RAPH1: variants seen among roughly 807,000 people sequenced by gnomAD.
RAPH1 encodes ras-associated and pleckstrin homology domains-containing protein 1.
Under a neutral mutation model 88.1 loss-of-function variants are expected in RAPH1, and 18 were observed. That is an observed-to-expected ratio of 0.20 (90% CI 0.14 to 0.30). The LOEUF is 0.30. RAPH1 is among the 10% of genes least tolerant of loss of function. The probability of loss-of-function intolerance (pLI) is 1.00; values close to 1 mark genes in which losing one functional copy is unlikely to be tolerated. For synonymous variants in RAPH1, 587 were observed against 559.0 expected (o/e 1.05, Z -0.71); for missense variants, 1,448 against 1,543.2 (o/e 0.94, Z 1.03).
intron 1 of RAPH1, among the ~76,000 whole-genome samples, chr2:203,518,109 G>T (rs1335153910): frequency 6.6e-6 from 1 of 152,012 alleles, no homozygotes; most frequent in Non-Finnish European, 1.5e-5. Flanking sequence ...CAATAAAATT[G>T]ATAAGCTTCT....
intron 4 of RAPH1, among the ~76,000 whole-genome samples, chr2:203,472,062 A>G (rs1450009792): frequency 1.3e-5 from 2 of 152,058 alleles, no homozygotes; most frequent in East Asian, 3.8e-4. Flanking sequence ...GAGGGAGGGA[A>G]TTGGGAAAAA....
At position 203,438,414 on chromosome 2, in the gene RAPH1, G is replaced by T; in HGVS notation, c.*1023C>A. On this transcript the variant is annotated 3_prime_UTR_variant, in exon 14 of 14. Coordinates refer to ENST00000319170, the MANE Select transcript of RAPH1 (RefSeq NM_213589.3). ...AATGCACCATATTGGGGCACAGGAT[G>T]TGTATATTTCATATACCAATTGTCT... 5.9e-6 allele frequency: 2 copies of T among 340,902 alleles called. No individual in the cohort carries two copies. Among genetic ancestry groups the T allele is most frequent in the Non-Finnish European group, 1.2e-5 (2 of 172,922 alleles). 21.1% of individuals were successfully genotyped at this position (340,902 alleles called of 1,614,324 possible).
chr2:203,446,840 C>T (rs1422444998), intron 12 of RAPH1: 1 of 151,242 alleles, frequency 6.6e-6, no homozygotes, highest in African/African-American at 2.4e-5. Context: ...AACTTTTGGG[C>T]TCAAGCAATC....
At chr2:203,498,978 T>A (rs1688627922) in intron 1 of RAPH1, among the ~76,000 whole-genome samples, 1 of 152,178 alleles carries the variant, frequency 6.6e-6, no homozygotes, top group Non-Finnish European at 1.5e-5. Flanking sequence ...CTGTACAGGT[T>A]GTAGCCTAGG....
chr2:203,465,606 G>A (rs1343088790), intron 4 of RAPH1, among the ~76,000 whole-genome samples: 1 of 152,178 alleles, frequency 6.6e-6, no homozygotes, highest in Admixed American at 6.5e-5. Flanking sequence ...GTACAACACC[G>A]GCAAGGCATG....
chr2:203,469,083 TTGG>T (rs1384079189), intron 4 of RAPH1, among the ~76,000 whole-genome samples: 2 of 152,196 alleles, frequency 1.3e-5, no homozygotes, highest in Admixed American at 6.5e-5. Flanking sequence ...TTGTAAGATG[TTGG>T]TGATCTTCTA....
chr2:203,526,218 CG>C (rs1201153474), intron 1 of RAPH1, among the ~76,000 whole-genome samples: 1 of 151,818 alleles, frequency 6.6e-6, no homozygotes, highest in Non-Finnish European at 1.5e-5. Context: ...AATTTGCTAA[CG>C]TTTTTTAAAA....
intron 4 of RAPH1, among the ~76,000 whole-genome samples, chr2:203,482,790 G>A (rs545377070): frequency 4.6e-5 from 7 of 151,570 alleles, no homozygotes; most frequent in South Asian, 2.1e-4. Flanking sequence ...GTGACAGAAC[G>A]AGAATCTGTC....
chr2:203,450,744 TC>T (rs929223930), intron 10 of RAPH1, among the ~76,000 whole-genome samples: 3 of 152,246 alleles, frequency 2.0e-5, no homozygotes, highest in African/African-American at 7.2e-5. Context: ...AGGGCAAGGT[TC>T]AGAGATCTCA....
intron 1 of RAPH1, among the ~76,000 whole-genome samples, chr2:203,504,189 C>T (rs1448998489): frequency 1.3e-5 from 2 of 152,228 alleles, no homozygotes; most frequent in Non-Finnish European, 2.9e-5. Flanking sequence ...GTGGGGGCCC[C>T]AACCCCACAT....
chr2:203,450,980 C>G (rs2098514390), intron 10 of RAPH1, among the ~76,000 whole-genome samples: 1 of 151,896 alleles, frequency 6.6e-6, no homozygotes, highest in African/African-American at 2.4e-5. Flanking sequence ...ATCTCTCTAA[C>G]CTGGGAATAC....
Position 203,507,305 on chromosome 2 carries a change from C to A in RAPH1, c.1-11952G>T, listed in dbSNP as rs1450810371. Among the ~76,000 whole-genome samples the A allele has an allele frequency of 3.3e-5, 5 of 152,096 alleles. No homozygotes were observed. The South Asian group carries it at 1.0e-3, about 32-fold the overall frequency. On this transcript the variant is annotated intron_variant, in intron 1 of 13. Transcript: ENST00000319170. The stretch of plus-strand genomic sequence containing the variant: ...AGATGAAATGACAAAAAAAAATCAC[C>A]ATTTTGCAACCACTGTTATAATTAT...
At chr2:203,465,595 T>G (rs1213226489) in intron 4 of RAPH1, among the ~76,000 whole-genome samples, 2 of 152,164 alleles carry the variant, frequency 1.3e-5, no homozygotes, top group African/African-American at 4.8e-5. Flanking sequence ...ATGCATAGAA[T>G]GTACAACACC....
chr2:203,439,556 C>T lies in RAPH1; in HGVS notation c.3634G>A (p.Asp1212Asn), dbSNP rs767112700. Residue 1212 changes from aspartate to asparagine, a missense_variant, in exon 14 of 14, where the codon GAT becomes AAT. Around this residue, in one of 2 missense-constraint regions of RAPH1, gnomAD observed 935 missense variants for 890.1 expected, o/e 1.05. Transcript: ENST00000319170. ...CCTCCGTAACCAGCCTTCTGTTGAT[C>T]AGACAGCAGTTCAGGGGGTGGTGGA... ...LPPPPPELLS[D>N]QQKAGYGGSH... is the part of the protein sequence containing the mutation. 16 of 1,614,034 alleles carry T rather than the reference C, an allele frequency of 9.9e-6. No individual in the cohort carries two copies. In the African/African-American group the frequency reaches 1.7e-4, roughly 18 times the overall value.
rs1458229971 is a variant in RAPH1 at position 203,448,303 on chromosome 2, TATAAAC to T, written c.1513-230_1513-225del. Among the ~76,000 whole-genome samples the T allele has an allele frequency of 5.3e-5, 8 of 152,228 alleles. No homozygotes were observed. Among genetic ancestry groups the T allele is most frequent in the Admixed American group, 5.2e-4 (8 of 15,284 alleles). On this transcript the variant is annotated intron_variant, in intron 11 of 13. Coordinates refer to ENST00000319170, the MANE Select transcript of RAPH1 (RefSeq NM_213589.3). The surrounding 1 kb of genome is among the most constrained non-coding windows in gnomAD (Gnocchi z 4.1). ...GAAGTCAACACTTGATTCTGTTTGT[TATAAAC>T]ATTAATGTTTTTTCACCCCAAATTC... is the stretch of plus-strand genomic sequence containing the variant.
intron 1 of RAPH1, among the ~76,000 whole-genome samples, chr2:203,512,621 CTTT>C (rs1201403582): frequency 4.0e-5 from 5 of 125,872 alleles, no homozygotes; most frequent in Non-Finnish European, 3.3e-5. Context: ...CATCCCTTAC[CTTT>C]TTTTTTTTTT....
chr2:203,452,283 C>G (rs1310641388), intron 10 of RAPH1, among the ~76,000 whole-genome samples: 2 of 152,178 alleles, frequency 1.3e-5, no homozygotes, highest in East Asian at 3.8e-4. Context: ...TGAAAAACAG[C>G]AGGTACAGAA....
intron 4 of RAPH1, among the ~76,000 whole-genome samples, chr2:203,477,486 G>C (rs911044997): frequency 5.9e-5 from 9 of 151,964 alleles, no homozygotes; most frequent in African/African-American, 2.2e-4. Flanking sequence ...CCACTGTTTG[G>C]CAGTGCTCTT....
intron 1 of RAPH1, among the ~76,000 whole-genome samples, chr2:203,496,919 C>T (rs1000463328): frequency 1.3e-5 from 2 of 152,092 alleles, no homozygotes; most frequent in African/African-American, 2.4e-5. Flanking sequence ...TTAAGCAATT[C>T]CTCCAAGATT....
Sources: gnomAD v4.1 joint callset for allele counts (sites outside exome capture counted in the v4.1 genomes callset) on GRCh38, gnomAD v4.1.1 for gene constraint, gnomAD v4.1.1 regional missense constraint, Gnocchi (gnomAD v3.1) non-coding constraint, MANE v1.5 for transcripts, NCBI Gene and HGNC (gene_info 2026-07-23, HGNC 2026-07-21) for gene names.